The following COL19A1 variants were observed in gnomAD, a reference collection of about 807,000 sequenced individuals.
COL19A1 encodes the protein collagen alpha-1(XIX) chain.
Under a neutral mutation model 190.2 loss-of-function variants are expected in COL19A1, and 159 were observed. The ratio of observed to expected loss-of-function variants is 0.84; its 90% confidence interval spans 0.73 to 0.95. The LOEUF is 0.95. COL19A1 is among the 40% of genes least tolerant of loss of function. COL19A1 has a pLI of 0.00. For missense variants in COL19A1, 1,418 were observed against 1,431.9 expected (o/e 0.99, Z 0.16); for synonymous variants, 509 against 458.9 (o/e 1.11, Z -1.39).
chr6:70,130,633 G>A (rs908800788), intron 18 of COL19A1, among the ~76,000 whole-genome samples: 2 of 152,232 alleles, frequency 1.3e-5, no homozygotes, highest in Admixed American at 1.3e-4. Flanking sequence ...ATCTCTGGGA[G>A]GGTGTCCAGC....
At chr6:69,870,806 T>C (rs899163182) in intron 1 of COL19A1, among the ~76,000 whole-genome samples, 3 of 152,134 alleles carry the variant, frequency 2.0e-5, no homozygotes, top group African/African-American at 7.2e-5. Context: ...TTTTCCAGAT[T>C]AGGAATGGTA....
rs142628684 is a variant in COL19A1 at position 70,149,717 on chromosome 6, C to A, written c.1907C>A (p.Pro636Gln). 517 of 1,613,506 alleles carry A rather than the reference C, an allele frequency of 3.2e-4. No homozygotes were observed. Among genetic ancestry groups the A allele is most frequent in the Non-Finnish European group, 4.0e-4 (467 of 1,179,728 alleles). Residue 636 changes from proline to glutamine, a missense_variant, in exon 28 of 51, where the codon CCA (proline) becomes CAA (glutamine). Pro to Gln is a moderately conservative substitution (Grantham distance 76). Transcript: ENST00000620364. ...ATTTGTACTCAGGGCGCCCAAGGAC[C>A]AGCTGGAGAGCCAGGTATTCAGGTA... ...GIPGRTGAQGPAGEPGIQGPR... is the reference protein window; with the variant it reads ...GIPGRTGAQGQAGEPGIQGPR...
At chr6:70,179,077 G>A (rs1766004377) in intron 42 of COL19A1, among the ~76,000 whole-genome samples, 1 of 152,046 alleles carries the variant, frequency 6.6e-6, no homozygotes, top group African/African-American at 2.4e-5. Flanking sequence ...GGCCTTCTCA[G>A]CTCTAACACA....
chr6:70,093,669 T>G (rs1299298038), intron 15 of COL19A1, among the ~76,000 whole-genome samples: 1 of 152,118 alleles, frequency 6.6e-6, no homozygotes, highest in Non-Finnish European at 1.5e-5. Context: ...AGCTCAAAAA[T>G]TATAACAGCA....
chr6:69,946,242 T>C (rs1013669086), intron 9 of COL19A1, among the ~76,000 whole-genome samples: 1 of 151,822 alleles, frequency 6.6e-6, no homozygotes. Context: ...AAATGTACTT[T>C]TGGTAAATAT....
At position 70,134,324 on chromosome 6, in the gene COL19A1, G is replaced by T. The variant is rs568698507; in HGVS notation, c.1384-3361G>T. 1.6e-4 allele frequency among the ~76,000 whole-genome samples: 25 copies of T among 152,118 alleles called. No homozygotes were observed. In the East Asian group the frequency reaches 4.6e-3, roughly 28 times the overall value. On this transcript the variant is annotated intron_variant, in intron 18 of 50. Transcript: ENST00000620364. ...AAAAAAATGGCTTCTCTTATAATGTGGTAAGAATAAGACTGATGATACACA... is the reference window on the plus strand; with the variant it reads ...AAAAAAATGGCTTCTCTTATAATGTTGTAAGAATAAGACTGATGATACACA...
chr6:70,024,021 T>C (rs2150106469), intron 12 of COL19A1, among the ~76,000 whole-genome samples: 1 of 152,294 alleles, frequency 6.6e-6, no homozygotes, highest in South Asian at 2.1e-4. Flanking sequence ...TTCATCTCAG[T>C]CCAAATCTCC....
At chr6:69,949,468 G>A (rs1008204820) in intron 9 of COL19A1, among the ~76,000 whole-genome samples, 1 of 151,764 alleles carries the variant, frequency 6.6e-6, no homozygotes, top group African/African-American at 2.4e-5. Context: ...TATACAAAAT[G>A]AAAACAAGAA....
At chr6:70,072,468 A>G (rs1246691455) in intron 15 of COL19A1, among the ~76,000 whole-genome samples, 1 of 152,044 alleles carries the variant, frequency 6.6e-6, no homozygotes, top group Non-Finnish European at 1.5e-5. Flanking sequence ...TCACTCTTGC[A>G]CTCTGTTGCT....
chr6:70,064,796 A>G (rs1372057681), intron 14 of COL19A1, among the ~76,000 whole-genome samples: 1 of 152,214 alleles, frequency 6.6e-6, no homozygotes, highest in Non-Finnish European at 1.5e-5. Flanking sequence ...AATCACAAGC[A>G]TTCTTATACA....
At chr6:69,904,701 T>C (rs1204525109) in intron 4 of COL19A1, among the ~76,000 whole-genome samples, 2 of 152,224 alleles carry the variant, frequency 1.3e-5, no homozygotes, top group Admixed American at 1.3e-4. Flanking sequence ...CAAATGGGAC[T>C]GTCCAGCCTG....
intron 14 of COL19A1, among the ~76,000 whole-genome samples, chr6:70,056,095 C>T (rs1482044858): frequency 1.3e-5 from 2 of 152,104 alleles, no homozygotes; most frequent in Non-Finnish European, 2.9e-5. Context: ...GTTGATTCCA[C>T]TGCCGCTTGT....
intron 6 of COL19A1, among the ~76,000 whole-genome samples, chr6:69,931,925 A>G (rs1772787563): frequency 6.6e-6 from 1 of 152,034 alleles, no homozygotes; most frequent in South Asian, 2.1e-4. Context: ...TATTATTATA[A>G]GATTAATTAT....
At chr6:69,928,067 C>T (rs1256810117) in intron 5 of COL19A1, 35 bp downstream of exon 5, 1 of 1,595,066 alleles carries the variant, frequency 6.3e-7, no homozygotes, top group Admixed American at 1.7e-5. Context: ...CATTAGTTTT[C>T]CTTGTGTAAT....
At chr6:70,088,099 C>A (rs1351708266) in intron 15 of COL19A1, among the ~76,000 whole-genome samples, 1 of 152,098 alleles carries the variant, frequency 6.6e-6, no homozygotes, top group Admixed American at 6.6e-5. Context: ...AATGGGTAGA[C>A]CTTTCACAGA....
intron 15 of COL19A1, among the ~76,000 whole-genome samples, chr6:70,081,505 A>G (rs1782252701): frequency 6.6e-6 from 1 of 152,186 alleles, no homozygotes. Flanking sequence ...ATGAAAAAAA[A>G]ACCTGAAGCA....
chr6:70,003,424 T>C (rs1562078935), intron 11 of COL19A1, among the ~76,000 whole-genome samples: 1 of 152,214 alleles, frequency 6.6e-6, no homozygotes, highest in Non-Finnish European at 1.5e-5. Context: ...CTGAATATCC[T>C]TTTTAATTTC....
intron 4 of COL19A1, among the ~76,000 whole-genome samples, chr6:69,926,756 A>T (rs1304076923): frequency 1.3e-5 from 2 of 152,184 alleles, no homozygotes; most frequent in African/African-American, 4.8e-5. Flanking sequence ...ATTAACTTAT[A>T]CATTCAGGAA....
intron 15 of COL19A1, among the ~76,000 whole-genome samples, chr6:70,084,140 A>G (rs1462499915): frequency 6.6e-6 from 1 of 152,170 alleles, no homozygotes. Flanking sequence ...AAGTTTAACA[A>G]AAAGGACAGT....
Sources: gnomAD v4.1 joint callset for allele counts (sites outside exome capture counted in the v4.1 genomes callset) on GRCh38, gnomAD v4.1.1 for gene constraint, MANE v1.5 for transcripts, NCBI Gene and HGNC (gene_info 2026-07-23, HGNC 2026-07-21) for gene names.